CNTN4: variants seen among roughly 807,000 people sequenced by gnomAD.
CNTN4 encodes the protein contactin 4, also known as contactin-4.
In CNTN4, 77 loss-of-function variants were observed where a neutral mutation model predicts 122.5. The observed-to-expected ratio is 0.63, with a 90% CI of 0.52 to 0.76. The LOEUF is 0.76. CNTN4 is among the 30% of genes least tolerant of loss of function. The pLI, the probability that CNTN4 is intolerant of heterozygous loss-of-function variation, is 0.00. For synonymous variants in CNTN4, 512 were observed against 447.0 expected, an observed-to-expected ratio of 1.15 and a Z score of -1.83; for missense variants, 1,256 against 1,259.1, an observed-to-expected ratio of 1.00 and a Z score of 0.04.
At chr3:2,816,238 C>T (rs1179735406) in intron 6 of CNTN4, among the ~76,000 whole-genome samples, 3 of 148,098 alleles carry the variant, frequency 2.0e-5, no homozygotes, top group Non-Finnish European at 4.4e-5. Context: ...CCTGTAGTCC[C>T]AGCTACTCGG....
chr3:2,671,483 C>A (rs541527115), intron 4 of CNTN4, among the ~76,000 whole-genome samples: 1 of 152,042 alleles, frequency 6.6e-6, no homozygotes, highest in Non-Finnish European at 1.5e-5. Flanking sequence ...TTCTAGTTAG[C>A]CATTCATGTA....
rs545114167 is a variant in CNTN4, at chr3:2,900,840, A to G, written c.1077+19A>G. ...AACTCGGGTAAGCAAGTTAATGGTA[A>G]TTGTGCCTTAGTCTTGACTATAACG... is the stretch of plus-strand genomic sequence containing the variant. On this transcript the variant is annotated intron_variant, in intron 11 of 24. Coordinates refer to ENST00000418658, the MANE Select transcript of CNTN4 (RefSeq NM_175607.3). 6.2e-7 allele frequency: 1 copy of G among 1,613,700 alleles called. No individual in the cohort carries two copies. Among genetic ancestry groups the G allele is most frequent in the South Asian group, 1.1e-5 (1 of 91,072 alleles).
intron 2 of CNTN4, among the ~76,000 whole-genome samples, chr3:2,147,109 G>C (rs879126206): frequency 6.6e-6 from 1 of 152,054 alleles, no homozygotes; most frequent in East Asian, 1.9e-4. Context: ...TTGATCTCTT[G>C]ACCTCGTGAT....
intron 13 of CNTN4, among the ~76,000 whole-genome samples, chr3:2,978,828 C>A (rs1231604922): frequency 3.9e-5 from 6 of 152,076 alleles, no homozygotes; most frequent in Non-Finnish European, 7.4e-5. Context: ...GCCATCCTCC[C>A]CTCTGCCATC....
chr3:2,669,578 G>T (rs1217334986), intron 4 of CNTN4, among the ~76,000 whole-genome samples: 3 of 151,878 alleles, frequency 2.0e-5, no homozygotes, highest in South Asian at 2.1e-4. Context: ...ACGGTTTTTT[G>T]TGTCTCTATC....
intron 3 of CNTN4, among the ~76,000 whole-genome samples, chr3:2,425,520 G>A (rs974717563): frequency 6.6e-6 from 1 of 152,106 alleles, no homozygotes; most frequent in African/African-American, 2.4e-5. Context: ...CTCCAGCTTT[G>A]TTCTTTTGGT....
intron 3 of CNTN4, among the ~76,000 whole-genome samples, chr3:2,440,141 T>C (rs1423008139): frequency 6.6e-6 from 1 of 152,214 alleles, no homozygotes; most frequent in Non-Finnish European, 1.5e-5. Context: ...GATCACTTTT[T>C]TTAAAAAATT....
intron 12 of CNTN4, among the ~76,000 whole-genome samples, chr3:2,914,085 A>G (rs924233243): frequency 3.9e-5 from 6 of 152,218 alleles, no homozygotes; most frequent in African/African-American, 1.4e-4. Flanking sequence ...TCACAATGTA[A>G]TTTAGAAAAT....
At chr3:2,352,413 C>T (rs1575438992) in intron 3 of CNTN4, among the ~76,000 whole-genome samples, 1 of 152,130 alleles carries the variant, frequency 6.6e-6, no homozygotes, top group Non-Finnish European at 1.5e-5. Flanking sequence ...CGGGTGGGAA[C>T]CAGGGCTGCG....
intron 8 of CNTN4, among the ~76,000 whole-genome samples, chr3:2,870,432 T>C (rs1316772327): frequency 6.6e-6 from 1 of 152,046 alleles, no homozygotes; most frequent in Non-Finnish European, 1.5e-5. Context: ...AAGCACAAAA[T>C]AGGTTATTAA....
At chr3:2,406,511 T>A (rs2047042723) in intron 3 of CNTN4, among the ~76,000 whole-genome samples, 1 of 152,232 alleles carries the variant, frequency 6.6e-6, no homozygotes, top group South Asian at 2.1e-4. Flanking sequence ...TTCCCTGTTT[T>A]GATAATTGCA....
intron 10 of CNTN4, among the ~76,000 whole-genome samples, chr3:2,893,607 A>G (rs944448900): frequency 4.6e-5 from 7 of 152,164 alleles, no homozygotes; most frequent in Non-Finnish European, 1.0e-4. Flanking sequence ...AATAATAGAG[A>G]GAATTAATAC....
chr3:2,658,931 G>C (rs1053414509), intron 4 of CNTN4, among the ~76,000 whole-genome samples: 22 of 148,534 alleles, frequency 1.5e-4, no homozygotes, highest in African/African-American at 5.2e-4. Context: ...TTTTTTATGT[G>C]GACATGCAAA....
At chr3:2,811,174 C>T (rs2092597737) in intron 6 of CNTN4, among the ~76,000 whole-genome samples, 1 of 151,904 alleles carries the variant, frequency 6.6e-6, no homozygotes, top group Non-Finnish European at 1.5e-5. Context: ...CTTTGGGAGG[C>T]CGAGGCAGGC....
chr3:2,241,755 G>T (rs2039951508), intron 2 of CNTN4, among the ~76,000 whole-genome samples: 1 of 152,132 alleles, frequency 6.6e-6, no homozygotes, highest in African/African-American at 2.4e-5. Context: ...CACAAGTCAT[G>T]CTCTTCTAAG....
chr3:2,363,231 T>C (rs1302879540), intron 3 of CNTN4, among the ~76,000 whole-genome samples: 1 of 152,230 alleles, frequency 6.6e-6, no homozygotes, highest in Non-Finnish European at 1.5e-5. Flanking sequence ...CTAGTATTTT[T>C]CAAATGTCTC....
intron 2 of CNTN4, among the ~76,000 whole-genome samples, chr3:2,300,600 T>G (rs1330840977): frequency 7.7e-6 from 1 of 129,894 alleles, no homozygotes; most frequent in Non-Finnish European, 1.6e-5. Flanking sequence ...TGAGATGGAG[T>G]CTTGCTCTGT....
chr3:2,211,755 CTCATGAG>C (rs2038631024), intron 2 of CNTN4, among the ~76,000 whole-genome samples: 1 of 152,148 alleles, frequency 6.6e-6, no homozygotes. Flanking sequence ...CGTGACGTGA[CTCATGAG>C]TCACCAACCC....
chr3:2,278,231 A>G lies in CNTN4; in HGVS notation c.-144-60947A>G, dbSNP rs562299682. Among the ~76,000 whole-genome samples, 15 of 152,374 alleles carry G rather than the reference A, an allele frequency of 9.8e-5. No individual in the cohort carries two copies. The South Asian group carries it at 3.1e-3, about 32-fold the overall frequency. On this transcript the variant is annotated intron_variant, in intron 2 of 24. Coordinates refer to ENST00000418658, the MANE Select transcript of CNTN4 (RefSeq NM_175607.3). ...GCGTATAATCAATGAAGAAATAAAA[A>G]TCAGAATAACCTCATTTTCTTCACA...
Sources: allele counts gnomAD v4.1 joint callset (sites outside exome capture counted in the v4.1 genomes callset), GRCh38; gene constraint gnomAD v4.1.1; transcripts MANE v1.5; gene names NCBI Gene and HGNC (gene_info 2026-07-23, HGNC 2026-07-21).